AUH: variants seen among roughly 807,000 people sequenced by gnomAD.
AUH encodes methylglutaconyl-CoA hydratase, mitochondrial.
Under a neutral mutation model 42.3 loss-of-function variants are expected in AUH, and 29 were observed. The ratio of observed to expected loss-of-function variants is 0.69; its 90% confidence interval spans 0.51 to 0.93. The LOEUF is 0.93. Ranked by LOEUF, AUH falls within the 40% of genes least tolerant of loss-of-function variation. The pLI, the probability that AUH is intolerant of heterozygous loss-of-function variation, is 0.00. For missense variants in AUH, 452 were observed against 438.1 expected, an observed-to-expected ratio of 1.03 and a Z score of -0.28; for synonymous variants, 174 against 166.4, an observed-to-expected ratio of 1.05 and a Z score of -0.35.
intron 6 of AUH, among the ~76,000 whole-genome samples, chr9:91,226,407 T>C: frequency 6.7e-6 from 1 of 149,306 alleles, no homozygotes; most frequent in Non-Finnish European, 1.5e-5. Flanking sequence ...TGTTTGTTTT[T>C]TTCTTGTAAA....
intron 6 of AUH, among the ~76,000 whole-genome samples, chr9:91,286,707 C>T (rs1302648322): frequency 3.4e-5 from 5 of 148,256 alleles, no homozygotes; most frequent in Admixed American, 6.9e-5. Flanking sequence ...CTCAGACAAT[C>T]GCCTGAATTC....
intron 6 of AUH, among the ~76,000 whole-genome samples, chr9:91,229,619 C>T (rs1319519149): frequency 6.6e-6 from 1 of 151,202 alleles, no homozygotes; most frequent in Non-Finnish European, 1.5e-5. Flanking sequence ...GGTTATTTTG[C>T]TCGTTGGTTG....
intron 3 of AUH, among the ~76,000 whole-genome samples, chr9:91,344,305 T>C (rs1831321858): frequency 6.6e-6 from 1 of 152,174 alleles, no homozygotes. Context: ...AATCTACCTA[T>C]AACCTGGAAG....
At chr9:91,330,354 T>C (rs916086335) in intron 3 of AUH, among the ~76,000 whole-genome samples, 3 of 152,222 alleles carry the variant, frequency 2.0e-5, no homozygotes, top group Non-Finnish European at 4.4e-5. Context: ...TGTGTTAGAA[T>C]AGTTCATACT....
At chr9:91,332,781 G>A (rs865896563) in intron 3 of AUH, among the ~76,000 whole-genome samples, 4 of 152,228 alleles carry the variant, frequency 2.6e-5, no homozygotes, top group East Asian at 1.9e-4. Flanking sequence ...AAATGCGTGC[G>A]CACAATTGAG....
At chr9:91,357,722 AG>A (rs1832532812) in intron 1 of AUH, among the ~76,000 whole-genome samples, 1 of 152,168 alleles carries the variant, frequency 6.6e-6, no homozygotes, top group Admixed American at 6.5e-5. Context: ...AGTCAAGGTG[AG>A]AGTGAAGGAG....
At chr9:91,220,747 C>CA (rs1364335341) in intron 7 of AUH, 58 bp downstream of exon 7, 14 of 1,590,338 alleles carry the variant, frequency 8.8e-6, no homozygotes, top group Admixed American at 1.7e-5. Context: ...CTGTTTTAGT[C>CA]AAAGTGTTAT....
intron 6 of AUH, among the ~76,000 whole-genome samples, chr9:91,245,651 T>A (rs749757500): frequency 6.6e-6 from 1 of 152,158 alleles, no homozygotes; most frequent in Non-Finnish European, 1.5e-5. Context: ...CATCTGCTGA[T>A]AGAAGCAAAC....
At chr9:91,270,635 G>A (rs1288097058) in intron 6 of AUH, among the ~76,000 whole-genome samples, 1 of 151,986 alleles carries the variant, frequency 6.6e-6, no homozygotes, top group African/African-American at 2.4e-5. Flanking sequence ...CCTTCTGCTT[G>A]TGCTGCACCT....
intron 6 of AUH, among the ~76,000 whole-genome samples, chr9:91,234,469 A>G (rs951673519): frequency 6.6e-6 from 1 of 152,172 alleles, no homozygotes; most frequent in Non-Finnish European, 1.5e-5. Context: ...GGAGACTTAC[A>G]ATAAATTTCC....
intron 4 of AUH, among the ~76,000 whole-genome samples, chr9:91,309,138 G>T (rs898533797): frequency 6.6e-6 from 1 of 151,738 alleles, no homozygotes; most frequent in South Asian, 2.1e-4. Flanking sequence ...CTGGCCAGGC[G>T]TGGTGGCTCA....
intron 6 of AUH, among the ~76,000 whole-genome samples, chr9:91,252,220 C>T (rs1351059121): frequency 6.6e-6 from 1 of 152,098 alleles, no homozygotes; most frequent in Non-Finnish European, 1.5e-5. Flanking sequence ...CTGCCTCGGC[C>T]TCCCAAAGTG....
At chr9:91,250,710 C>T (rs1383545051) in intron 6 of AUH, among the ~76,000 whole-genome samples, 2 of 152,180 alleles carry the variant, frequency 1.3e-5, no homozygotes, top group African/African-American at 4.8e-5. Flanking sequence ...GTACAGCACC[C>T]ATCATTTAAA....
At chr9:91,277,292 T>C (rs1272312505) in intron 6 of AUH, among the ~76,000 whole-genome samples, 1 of 152,194 alleles carries the variant, frequency 6.6e-6, no homozygotes, top group Non-Finnish European at 1.5e-5. Flanking sequence ...AAGAATAATA[T>C]ACCACTACCA....
At chr9:91,218,200 G>A (rs1826938459) in intron 7 of AUH, among the ~76,000 whole-genome samples, 1 of 152,164 alleles carries the variant, frequency 6.6e-6, no homozygotes, top group Non-Finnish European at 1.5e-5. Flanking sequence ...TCCTATCAAG[G>A]AGTTTCTATT....
intron 6 of AUH, among the ~76,000 whole-genome samples, chr9:91,244,426 T>C (rs1828686299): frequency 6.6e-6 from 1 of 152,282 alleles, no homozygotes; most frequent in Non-Finnish European, 1.5e-5. Flanking sequence ...TAGTCAGTTA[T>C]ATTAAACTGA....
At chr9:91,345,302 T>C (rs1831412126) in intron 3 of AUH, among the ~76,000 whole-genome samples, 1 of 151,878 alleles carries the variant, frequency 6.6e-6, no homozygotes, top group Non-Finnish European at 1.5e-5. Context: ...AACCCCAGAG[T>C]ATCTACAAAA....
chr9:91,280,649 A>G (rs1029609047), intron 6 of AUH, among the ~76,000 whole-genome samples: 6 of 152,208 alleles, frequency 3.9e-5, no homozygotes, highest in African/African-American at 7.2e-5. Context: ...TCTTTTCTGT[A>G]TAACTATCCT....
chr9:91,336,487 G>GA (rs1297728247), intron 3 of AUH, among the ~76,000 whole-genome samples: 1 of 151,912 alleles, frequency 6.6e-6, no homozygotes. Flanking sequence ...AAAATAAGCT[G>GA]GGCGTGATGG....
Sources: allele counts gnomAD v4.1 joint callset (sites outside exome capture counted in the v4.1 genomes callset), GRCh38; gene constraint gnomAD v4.1.1; transcripts MANE v1.5; gene names NCBI Gene and HGNC (gene_info 2026-07-23, HGNC 2026-07-21).